SIPA1L1: variants seen among roughly 807,000 people sequenced by gnomAD.
SIPA1L1 encodes signal induced proliferation associated 1 like 1.
A neutral mutation model predicts 162.7 loss-of-function variants in SIPA1L1; 26 were observed. That is an observed-to-expected ratio of 0.16 (90% CI 0.12 to 0.22). The LOEUF (loss-of-function observed/expected upper bound fraction) is 0.22. Ranked by LOEUF, SIPA1L1 falls within the 10% of genes least tolerant of loss-of-function variation. SIPA1L1 has a pLI of 1.00. For missense variants in SIPA1L1, 1,874 were observed against 2,241.0 expected, an observed-to-expected ratio of 0.84 and a Z score of 3.31; for synonymous variants, 829 against 837.4, an observed-to-expected ratio of 0.99 and a Z score of 0.17.
intron 8 of SIPA1L1, among the ~76,000 whole-genome samples, chr14:71,653,576 A>G (rs1021888679): frequency 6.6e-6 from 1 of 152,176 alleles, no homozygotes; most frequent in Admixed American, 6.5e-5. Flanking sequence ...CTAGGTAGAA[A>G]GCCCAGGGGT....
chr14:71,561,661 C>T (rs1042866954), intron 4 of SIPA1L1, among the ~76,000 whole-genome samples: 1 of 152,202 alleles, frequency 6.6e-6, no homozygotes, highest in Non-Finnish European at 1.5e-5. Flanking sequence ...GGTCTCGGCT[C>T]ACTGCAAACT....
chr14:71,496,196 T>C (rs1275768679), intron 2 of SIPA1L1, among the ~76,000 whole-genome samples: 1 of 152,164 alleles, frequency 6.6e-6, no homozygotes, highest in East Asian at 1.9e-4. Flanking sequence ...GAGCTGGGTG[T>C]GGTGGCATAT....
chr14:71,729,155 C>T (rs544965263), intron 19 of SIPA1L1, among the ~76,000 whole-genome samples: 2 of 152,240 alleles, frequency 1.3e-5, no homozygotes, highest in Non-Finnish European at 2.9e-5. Context: ...CCTGTCTCAG[C>T]CTCCTGAGTA....
chr14:71,544,082 T>C (rs529792985), intron 4 of SIPA1L1, among the ~76,000 whole-genome samples: 3 of 150,998 alleles, frequency 2.0e-5, no homozygotes, highest in South Asian at 2.1e-4. Context: ...CACGCACATG[T>C]ATGTATATAC....
chr14:71,458,527 G>T (rs935612454), intron 2 of SIPA1L1, among the ~76,000 whole-genome samples: 13 of 152,162 alleles, frequency 8.5e-5, no homozygotes, highest in African/African-American at 2.7e-4. Flanking sequence ...GATATTAAGT[G>T]TAGAACAAGG....
chr14:71,685,085 A>ACCC (rs2046171755), intron 12 of SIPA1L1, among the ~76,000 whole-genome samples: 1 of 151,732 alleles, frequency 6.6e-6, no homozygotes. Flanking sequence ...TAGTCTGGCC[A>ACCC]CCCCCAGGGT....
chr14:71,592,962 C>G (rs188858555), intron 5 of SIPA1L1, among the ~76,000 whole-genome samples: 3 of 152,068 alleles, frequency 2.0e-5, no homozygotes, highest in Non-Finnish European at 2.9e-5. Context: ...TATTGAGAAC[C>G]AGGATTAAAT....
intron 2 of SIPA1L1, among the ~76,000 whole-genome samples, chr14:71,438,462 AC>A (rs1192172731): frequency 6.6e-6 from 1 of 152,150 alleles, no homozygotes; most frequent in Non-Finnish European, 1.5e-5. Context: ...CATCAGCAGC[AC>A]CTTTTGTTCT....
chr14:71,679,471 T>A (rs1039573768), intron 12 of SIPA1L1, among the ~76,000 whole-genome samples: 15 of 152,222 alleles, frequency 9.9e-5, no homozygotes, highest in African/African-American at 3.6e-4. Flanking sequence ...TACCAGCCAC[T>A]GCAAAAACAT....
chr14:71,418,838 C>T (rs1040856864), intron 2 of SIPA1L1, among the ~76,000 whole-genome samples: 2 of 152,134 alleles, frequency 1.3e-5, no homozygotes, highest in African/African-American at 2.4e-5. Flanking sequence ...TGGGGAAGTT[C>T]AGCATGCCAC....
At chr14:71,677,586 C>G (rs1329396044) in intron 12 of SIPA1L1, among the ~76,000 whole-genome samples, 2 of 152,156 alleles carry the variant, frequency 1.3e-5, no homozygotes, top group Non-Finnish European at 2.9e-5. Context: ...AGGTTTTCTT[C>G]TAGGGTTTTT....
intron 4 of SIPA1L1, among the ~76,000 whole-genome samples, chr14:71,532,115 A>G (rs1407561269): frequency 1.3e-5 from 2 of 152,196 alleles, no homozygotes; most frequent in Non-Finnish European, 2.9e-5. Flanking sequence ...TACATATTAT[A>G]TCCATGTTAC....
intron 12 of SIPA1L1, among the ~76,000 whole-genome samples, chr14:71,673,143 G>A (rs1030919179): frequency 6.6e-6 from 1 of 152,172 alleles, no homozygotes; most frequent in African/African-American, 2.4e-5. Flanking sequence ...AGCTGCCCCT[G>A]CTCATGGTGC....
At chr14:71,515,099 T>C (rs943109396) in intron 3 of SIPA1L1, among the ~76,000 whole-genome samples, 11 of 152,234 alleles carry the variant, frequency 7.2e-5, no homozygotes, top group African/African-American at 2.7e-4. Context: ...TTCATGCTTA[T>C]GTTTAGTGAA....
At chr14:71,634,653 T>C (rs377715723) in intron 7 of SIPA1L1, among the ~76,000 whole-genome samples, 1 of 151,754 alleles carries the variant, frequency 6.6e-6, no homozygotes, top group East Asian at 2.0e-4. Context: ...AGTAGCTAAG[T>C]TGGCCGGGCG....
intron 12 of SIPA1L1, 32 bp from the exon 13 acceptor site, chr14:71,685,330 T>C (rs2046195006): frequency 1.2e-6 from 2 of 1,608,570 alleles, no homozygotes; most frequent in Non-Finnish European, 1.7e-6. Context: ...GCAGTATCCA[T>C]TGTGTTTCTC....
chr14:71,695,050 G>T (rs1243206995), intron 13 of SIPA1L1, among the ~76,000 whole-genome samples: 1 of 152,206 alleles, frequency 6.6e-6, no homozygotes, highest in Non-Finnish European at 1.5e-5. Flanking sequence ...TCAGCCTCAG[G>T]CTATCTCTTC....
chr14:71,334,960 G>T (rs1299705166), intron 2 of SIPA1L1, among the ~76,000 whole-genome samples: 1 of 152,166 alleles, frequency 6.6e-6, no homozygotes, highest in East Asian at 1.9e-4. Context: ...TATTTGAAAT[G>T]TAGTACTTTT....
chr14:71,702,781 C>G (rs999789468), intron 15 of SIPA1L1, among the ~76,000 whole-genome samples: 2 of 152,182 alleles, frequency 1.3e-5, no homozygotes, highest in Non-Finnish European at 2.9e-5. Context: ...AAGTACCTTC[C>G]TCCCCCTTGT....
Sources: gnomAD v4.1 joint callset for allele counts (sites outside exome capture counted in the v4.1 genomes callset) on GRCh38, gnomAD v4.1.1 for gene constraint, MANE v1.5 for transcripts, NCBI Gene and HGNC (gene_info 2026-07-23, HGNC 2026-07-21) for gene names.